PACRG: variants seen among roughly 807,000 people sequenced by gnomAD.
The protein encoded by PACRG is parkin coregulated, also known as parkin coregulated gene protein.
A neutral mutation model predicts 29.7 loss-of-function variants in PACRG; 29 were observed. The ratio of observed to expected loss-of-function variants is 0.98; its 90% CI spans 0.73 to 1.33. The LOEUF is 1.33. PACRG is among the 40% of genes most tolerant of loss of function. The pLI, the probability that PACRG is intolerant of heterozygous loss-of-function variation, is 0.00. For missense variants in PACRG, 279 were observed against 316.2 expected, an observed-to-expected ratio of 0.88 and a Z score of 0.89; for synonymous variants, 116 against 118.7, an observed-to-expected ratio of 0.98 and a Z score of 0.15.
intron 4 of PACRG, among the ~76,000 whole-genome samples, chr6:163,199,170 A>G (rs141814632): frequency 8.5e-5 from 13 of 152,298 alleles, no homozygotes; most frequent in Non-Finnish European, 1.5e-4. Context: ...TCACATGATC[A>G]TGTACGGAAT....
rs559394152 is a variant in PACRG at position 163,009,946 on chromosome 6, C to T, written c.292-52204C>T. ...TATGTTTGTGTTTATGTGTATATAT[C>T]TGGTCCTGTGTAGGCAGAAAACATT... On this transcript the variant is annotated intron_variant, in intron 2 of 4. Transcript: ENST00000366888. 2.6e-5 allele frequency among the ~76,000 whole-genome samples: 4 copies of T among 152,244 alleles called. No individual in the cohort carries two copies. In the South Asian group the frequency reaches 8.3e-4, roughly 32 times the overall value.
At chr6:162,775,764 T>C (rs1021721712) in intron 1 of PACRG, among the ~76,000 whole-genome samples, 2 of 152,220 alleles carry the variant, frequency 1.3e-5, no homozygotes, top group African/African-American at 4.8e-5. Context: ...CCTATTGAAC[T>C]TTCTGCCATG....
rs555635362 is a variant in PACRG at position 163,257,847 on chromosome 6, T to C, written c.614-56980T>C. 7.5e-4 allele frequency among the ~76,000 whole-genome samples: 114 copies of C among 152,356 alleles called. 1 individual carries two copies. Among genetic ancestry groups the C allele is most frequent in the African/African-American group, 2.5e-3 (102 of 41,584 alleles). On this transcript the variant is annotated intron_variant, in intron 4 of 4. Transcript: ENST00000366888. ...GATATTGTGGACAGGATTTATATTTTTATTACAACAACTGGTGCCAACTAA... is the reference window on the plus strand; with the variant it reads ...GATATTGTGGACAGGATTTATATTTCTATTACAACAACTGGTGCCAACTAA...
At chr6:163,040,242 C>T (rs1219675962) in intron 2 of PACRG, among the ~76,000 whole-genome samples, 10 of 152,306 alleles carry the variant, frequency 6.6e-5, no homozygotes, top group East Asian at 1.9e-4. Flanking sequence ...GTTTTGGGCC[C>T]GCAGGTGCAC....
chr6:163,259,503 C>T (rs958749203), intron 4 of PACRG, among the ~76,000 whole-genome samples: 2 of 152,148 alleles, frequency 1.3e-5, no homozygotes, highest in African/African-American at 2.4e-5. Flanking sequence ...CCAGAAGCCT[C>T]CATCTCTGTC....
At chr6:162,881,711 G>A (rs1025908187) in intron 2 of PACRG, among the ~76,000 whole-genome samples, 2 of 150,184 alleles carry the variant, frequency 1.3e-5, no homozygotes, top group Non-Finnish European at 3.0e-5. Context: ...ACTGGGGGTG[G>A]GGGGGTGCAC....
At chr6:162,787,578 G>GTATATA (rs1408657404) in intron 1 of PACRG, among the ~76,000 whole-genome samples, 1 of 51,450 alleles carries the variant, frequency 1.9e-5, no homozygotes, top group African/African-American at 1.0e-4. Context: ...GTGTGTGTGT[G>GTATATA]TGTGTATATA....
chr6:162,730,738 C>T (rs544386430), intron 1 of PACRG, among the ~76,000 whole-genome samples: 1 of 152,142 alleles, frequency 6.6e-6, no homozygotes, highest in South Asian at 2.1e-4. Context: ...ACTTTCTTTC[C>T]ATGAAATTTT....
chr6:163,248,139 CAAGA>C (rs1782762124), intron 4 of PACRG, among the ~76,000 whole-genome samples: 1 of 152,184 alleles, frequency 6.6e-6, no homozygotes, highest in African/African-American at 2.4e-5. Flanking sequence ...TAGAGAATGG[CAAGA>C]AAGAGACACA....
In PACRG at chr6:162,861,922, C is replaced by T. The variant is rs1412832643; in HGVS notation, c.291+47641C>T. ...CAGAGTGGGATTTCTGTATCTGCTA[C>T]GGTCTGGGTATTTCTGTATCCACTA... is the stretch of plus-strand genomic sequence containing the variant. On this transcript the variant is annotated intron_variant, in intron 2 of 4. Coordinates refer to ENST00000366888, the MANE Select transcript of PACRG (RefSeq NM_001080379.2). 2.6e-5 allele frequency among the ~76,000 whole-genome samples: 4 copies of T among 152,188 alleles called. 1 individual carries two copies. In the South Asian group the frequency reaches 6.2e-4, roughly 24 times the overall value.
At chr6:163,240,017 C>T (rs1782425484) in intron 4 of PACRG, among the ~76,000 whole-genome samples, 1 of 150,290 alleles carries the variant, frequency 6.7e-6, no homozygotes, top group Non-Finnish European at 1.5e-5. Context: ...CCCACATACA[C>T]ATACACACAC....
chr6:163,284,834 C>A (rs1784341055), intron 4 of PACRG, among the ~76,000 whole-genome samples: 1 of 152,158 alleles, frequency 6.6e-6, no homozygotes, highest in African/African-American at 2.4e-5. Context: ...GCCATCTATC[C>A]CTTTGCACAA....
intron 4 of PACRG, among the ~76,000 whole-genome samples, chr6:163,275,866 G>A (rs1430794701): frequency 6.6e-6 from 1 of 152,202 alleles, no homozygotes; most frequent in Non-Finnish European, 1.5e-5. Context: ...AAAGCATGAA[G>A]TCAAAGTGTC....
At chr6:163,219,071 G>A (rs950393474) in intron 4 of PACRG, among the ~76,000 whole-genome samples, 1 of 152,238 alleles carries the variant, frequency 6.6e-6, no homozygotes, top group Admixed American at 6.5e-5. Context: ...AGATGACAGA[G>A]TCACAGGTTG....
intron 4 of PACRG, among the ~76,000 whole-genome samples, chr6:163,101,771 G>A (rs577503745): frequency 2.8e-4 from 42 of 152,244 alleles, no homozygotes; most frequent in African/African-American, 8.9e-4. Context: ...TGCTCTCACC[G>A]TAAGCCTGGT....
intron 1 of PACRG, among the ~76,000 whole-genome samples, chr6:162,736,031 T>C (rs185577032): frequency 4.9e-4 from 75 of 152,350 alleles, no homozygotes; most frequent in Admixed American, 3.5e-3. Flanking sequence ...ATTCTGAGCT[T>C]CTTGGCATCT....
chr6:162,897,775 T>G (rs962426873), intron 2 of PACRG, among the ~76,000 whole-genome samples: 1 of 152,168 alleles, frequency 6.6e-6, no homozygotes, highest in Non-Finnish European at 1.5e-5. Context: ...GGGTGTATAG[T>G]TTGTTGGCAT....
rs183620429 is a variant in PACRG at position 163,103,004 on chromosome 6, A to G, written c.613+13596A>G. On this transcript the variant is annotated intron_variant, in intron 4 of 4. Coordinates refer to ENST00000366888, the MANE Select transcript of PACRG (RefSeq NM_001080379.2). ...TTGTTCTTAGCACTTCCTGAGATTAATAAATATTTGCTGAATGGGTGGATG... is the reference window on the plus strand; with the variant it reads ...TTGTTCTTAGCACTTCCTGAGATTAGTAAATATTTGCTGAATGGGTGGATG... Among the ~76,000 whole-genome samples the G allele has an allele frequency of 2.6e-5, 4 of 152,330 alleles. No individual in the cohort carries two copies. In the East Asian group the frequency reaches 7.7e-4, roughly 29 times the overall value.
intron 2 of PACRG, among the ~76,000 whole-genome samples, chr6:162,915,709 G>A (rs1395501043): frequency 6.6e-6 from 1 of 151,802 alleles, no homozygotes; most frequent in Admixed American, 6.6e-5. Context: ...TTGTTTTTGT[G>A]GTTGCTTTAT....
Sources: gnomAD v4.1 joint callset for allele counts (sites outside exome capture counted in the v4.1 genomes callset) on GRCh38, gnomAD v4.1.1 for gene constraint, MANE v1.5 for transcripts, NCBI Gene and HGNC (gene_info 2026-07-23, HGNC 2026-07-21) for gene names.